BMPR1B: variants seen among roughly 807,000 people sequenced by gnomAD.
BMPR1B encodes bone morphogenetic protein receptor type 1B.
A neutral mutation model predicts 59.1 loss-of-function variants in BMPR1B; 12 were observed. The ratio of observed to expected loss-of-function variants is 0.20; its 90% CI spans 0.13 to 0.33. The LOEUF is 0.33. BMPR1B is among the 10% of genes least tolerant of loss of function. BMPR1B has a pLI of 1.00. For synonymous variants in BMPR1B, 237 were observed against 207.3 expected (o/e 1.14, Z -1.23); for missense variants, 550 against 610.9 (o/e 0.90, Z 1.05).
intron 2 of BMPR1B, among the ~76,000 whole-genome samples, chr4:94,878,296 A>C (rs906757900): frequency 2.0e-5 from 3 of 152,210 alleles, no homozygotes; most frequent in Non-Finnish European, 4.4e-5. Context: ...CAACAAATTT[A>C]GTTTAAAGAT....
intron 10 of BMPR1B, among the ~76,000 whole-genome samples, chr4:95,139,568 T>A (rs1734060986): frequency 6.6e-6 from 1 of 152,202 alleles, no homozygotes; most frequent in African/African-American, 2.4e-5. Flanking sequence ...TCCACCCAGT[T>A]TGAGCTTCCT....
At chr4:95,040,780 C>T (rs545982213) in intron 3 of BMPR1B, among the ~76,000 whole-genome samples, 3 of 152,176 alleles carry the variant, frequency 2.0e-5, no homozygotes, top group Admixed American at 2.0e-4. Flanking sequence ...ACAAGCGGGA[C>T]AAATGAAATC....
At chr4:95,123,782 T>A (rs1248312703) in intron 6 of BMPR1B, 28 bp from the exon 7 acceptor site, 15 of 1,495,698 alleles carry the variant, frequency 1.0e-5, no homozygotes, top group Non-Finnish European at 1.4e-5. Flanking sequence ...ATTCTCTTGA[T>A]TATGGCTCTT....
intron 1 of BMPR1B, among the ~76,000 whole-genome samples, chr4:94,786,782 G>T (rs1356808569): frequency 6.6e-6 from 1 of 151,988 alleles, no homozygotes; most frequent in East Asian, 1.9e-4. Context: ...CTGACCTCGT[G>T]ATCCACCCGC....
chr4:94,903,809 A>G (rs1325879816), intron 2 of BMPR1B, among the ~76,000 whole-genome samples: 3 of 151,984 alleles, frequency 2.0e-5, no homozygotes, highest in Non-Finnish European at 4.4e-5. Flanking sequence ...GAAAACACAC[A>G]GAAAGGACAG....
At chr4:94,833,123 C>T (rs1042726497) in intron 1 of BMPR1B, among the ~76,000 whole-genome samples, 1 of 147,150 alleles carries the variant, frequency 6.8e-6, no homozygotes, top group Non-Finnish European at 1.5e-5. Context: ...CCCACAAGTT[C>T]GAGTCTACAG....
chr4:95,060,693 G>A (rs905047547), intron 3 of BMPR1B, among the ~76,000 whole-genome samples: 1 of 152,166 alleles, frequency 6.6e-6, no homozygotes, highest in African/African-American at 2.4e-5. Flanking sequence ...CCTTCAGAAA[G>A]CACTGTGTTG....
At chr4:95,111,639 T>C (rs1731640058) in intron 4 of BMPR1B, among the ~76,000 whole-genome samples, 1 of 152,076 alleles carries the variant, frequency 6.6e-6, no homozygotes, top group South Asian at 2.1e-4. Flanking sequence ...AGAGTATCGC[T>C]TGGTCCCTTG....
chr4:95,112,493 T>C (rs1226707418), intron 4 of BMPR1B, among the ~76,000 whole-genome samples: 3 of 152,140 alleles, frequency 2.0e-5, no homozygotes. Context: ...GTAATTGTAG[T>C]GCTAGTTTCC....
At chr4:95,107,548 T>C (rs1731277269) in intron 4 of BMPR1B, among the ~76,000 whole-genome samples, 1 of 152,102 alleles carries the variant, frequency 6.6e-6, no homozygotes, top group Non-Finnish European at 1.5e-5. Context: ...TTGTAGAAGT[T>C]AACAGAAAAC....
chr4:95,102,566 G>C (rs1310371594), intron 3 of BMPR1B, among the ~76,000 whole-genome samples: 7 of 152,034 alleles, frequency 4.6e-5, no homozygotes, highest in Non-Finnish European at 1.0e-4. Flanking sequence ...GGTCATAAAG[G>C]CAGTAACATT....
At chr4:94,976,350 T>C (rs772826718) in intron 2 of BMPR1B, among the ~76,000 whole-genome samples, 19 of 152,302 alleles carry the variant, frequency 1.2e-4, no homozygotes, top group Non-Finnish European at 2.6e-4. Flanking sequence ...AAATTCAAGG[T>C]GAGGTAATAT....
At chr4:95,046,800 A>G (rs185278000) in intron 3 of BMPR1B, among the ~76,000 whole-genome samples, 33 of 152,310 alleles carry the variant, frequency 2.2e-4, no homozygotes, top group Admixed American at 1.6e-3. Context: ...TTAACTTGCA[A>G]AATTAAGTTG....
chr4:94,765,858 G>A (rs1346165465), intron 1 of BMPR1B, among the ~76,000 whole-genome samples: 1 of 152,190 alleles, frequency 6.6e-6, no homozygotes, highest in Non-Finnish European at 1.5e-5. Context: ...TCTTATGGAT[G>A]GCAGCATAGC....
At chr4:95,117,194 A>G (rs192864512) in intron 6 of BMPR1B, among the ~76,000 whole-genome samples, 2 of 152,196 alleles carry the variant, frequency 1.3e-5, no homozygotes, top group Non-Finnish European at 2.9e-5. Context: ...TAGAAAGTTT[A>G]AAATTTAAAT....
intron 2 of BMPR1B, among the ~76,000 whole-genome samples, chr4:94,925,811 G>C (rs3775023): frequency 1.3e-5 from 2 of 152,118 alleles, no homozygotes; most frequent in African/African-American, 4.8e-5. Flanking sequence ...GTGATAGTTG[G>C]TGGGGTGTTA....
chr4:95,130,880 C>T (rs545795867), intron 9 of BMPR1B, among the ~76,000 whole-genome samples: 26 of 151,930 alleles, frequency 1.7e-4, no homozygotes, highest in African/African-American at 6.3e-4. Flanking sequence ...CAGGCACATG[C>T]CACCATGCCC....
At chr4:94,856,002 T>C (rs914806940) in intron 1 of BMPR1B, among the ~76,000 whole-genome samples, 2 of 152,210 alleles carry the variant, frequency 1.3e-5, no homozygotes, top group African/African-American at 2.4e-5. Context: ...CTTCCAGTTT[T>C]CTGCTAAAAG....
intron 2 of BMPR1B, among the ~76,000 whole-genome samples, chr4:94,982,451 A>G (rs1162055223): frequency 6.6e-6 from 1 of 152,248 alleles, no homozygotes; most frequent in Non-Finnish European, 1.5e-5. Context: ...GGCCTAAATT[A>G]GTCCTTCTCA....
Sources: allele counts gnomAD v4.1 joint callset (sites outside exome capture counted in the v4.1 genomes callset), GRCh38; gene constraint gnomAD v4.1.1; transcripts MANE v1.5; gene names NCBI Gene and HGNC (gene_info 2026-07-23, HGNC 2026-07-21).